The following TRAK1 variants were observed in gnomAD, a reference collection of about 807,000 sequenced individuals.
The protein encoded by TRAK1 is trafficking kinesin protein 1.
In TRAK1, 33 loss-of-function variants were observed where a neutral mutation model predicts 92.1. The observed-to-expected ratio is 0.36, with a 90% CI of 0.27 to 0.48. TRAK1 has a LOEUF of 0.48. Among genes scored for constraint, TRAK1 ranks in the 20% least tolerant of loss-of-function variants. The probability of loss-of-function intolerance (pLI) is 0.99; values close to 1 mark genes in which losing one functional copy is unlikely to be tolerated. For synonymous variants in TRAK1, 521 were observed against 517.3 expected, an observed-to-expected ratio of 1.01 and a Z score of -0.10; for missense variants, 1,123 against 1,257.9, an observed-to-expected ratio of 0.89 and a Z score of 1.62.
intron 1 of TRAK1, among the ~76,000 whole-genome samples, chr3:42,059,508 C>T (rs1468677103): frequency 6.6e-6 from 1 of 152,206 alleles, no homozygotes; most frequent in Non-Finnish European, 1.5e-5. Context: ...AGAACTGTGG[C>T]CTGTTTCTCC....
intron 1 of TRAK1, among the ~76,000 whole-genome samples, chr3:42,071,414 A>G (rs1703925749): frequency 6.6e-6 from 1 of 152,134 alleles, no homozygotes; most frequent in African/African-American, 2.4e-5. Flanking sequence ...CTTCCCATAG[A>G]TACCCACTCT....
intron 1 of TRAK1, among the ~76,000 whole-genome samples, chr3:42,016,048 C>CA (rs1301596386): frequency 1.3e-5 from 2 of 151,884 alleles, no homozygotes; most frequent in Non-Finnish European, 2.9e-5. Flanking sequence ...AAAACAAAAA[C>CA]AAAAACAAAA....
At chr3:42,092,681 T>TTGTTTTGTG (rs750189192) in intron 1 of TRAK1, among the ~76,000 whole-genome samples, 1 of 131,324 alleles carries the variant, frequency 7.6e-6, no homozygotes, top group Admixed American at 7.3e-5. Flanking sequence ...TCCTTTTATT[T>TTGTTTTGTG]TGTTGTGTTG....
At chr3:42,112,135 C>CTTTTTT (rs1223261204) in intron 1 of TRAK1, among the ~76,000 whole-genome samples, 39 of 71,058 alleles carry the variant, frequency 5.5e-4, no homozygotes, top group Non-Finnish European at 7.0e-4. Flanking sequence ...TCAGCTCTTA[C>CTTTTTT]TTTTTTTTTT....
chr3:42,127,203 A>G (rs904919422), intron 2 of TRAK1, among the ~76,000 whole-genome samples: 1 of 152,230 alleles, frequency 6.6e-6, no homozygotes, highest in South Asian at 2.1e-4. Flanking sequence ...AAAATTCACA[A>G]GAGAATAGTA....
intron 1 of TRAK1, among the ~76,000 whole-genome samples, chr3:42,099,091 C>T (rs938404451): frequency 8.6e-5 from 13 of 151,942 alleles, no homozygotes; most frequent in Admixed American, 8.5e-4. Context: ...AGAGGTGGCC[C>T]GGGTGTGGCT....
intron 2 of TRAK1, among the ~76,000 whole-genome samples, chr3:42,127,768 A>G (rs1194097029): frequency 6.6e-6 from 1 of 152,170 alleles, no homozygotes; most frequent in African/African-American, 2.4e-5. Flanking sequence ...GCCTCATTTC[A>G]TTCCTGTAAA....
Position 42,194,408 on chromosome 3 carries a change from T to C in TRAK1, c.976-396T>C, listed in dbSNP as rs555783092. ...CTACCACACCCACCTAATTTTTGCT[T>C]TTTTTTTTTTGAAAGATGAGGTTTT... On this transcript the variant is annotated intron_variant, in intron 9 of 15. Transcript: ENST00000327628. 5.5e-3 allele frequency among the ~76,000 whole-genome samples: 813 copies of C among 149,138 alleles called. 15 individuals carry two copies. Among genetic ancestry groups the C allele is most frequent in the African/African-American group, 0.019 (774 of 40,872 alleles).
At chr3:42,179,258 T>TTG (rs1275107693) in intron 3 of TRAK1, among the ~76,000 whole-genome samples, 6 of 152,236 alleles carry the variant, frequency 3.9e-5, no homozygotes, top group African/African-American at 1.2e-4. Context: ...GGTGTCCTGG[T>TTG]TAAAGTCTAA....
intron 2 of TRAK1, among the ~76,000 whole-genome samples, chr3:42,136,555 C>T (rs557033053): frequency 5.9e-4 from 90 of 151,788 alleles, no homozygotes; most frequent in African/African-American, 1.8e-3. Context: ...GCCAGGAGTT[C>T]GAGGCTGTAG....
intron 1 of TRAK1, among the ~76,000 whole-genome samples, chr3:42,096,645 C>T (rs73066342): frequency 0.017 from 2,520 of 152,340 alleles, 29 homozygotes; most frequent in Non-Finnish European, 0.027. Context: ...TTTCAAATGT[C>T]GCTGAGGGGA....
chr3:42,030,296 A>G (rs1238639723), intron 1 of TRAK1, among the ~76,000 whole-genome samples: 1 of 151,244 alleles, frequency 6.6e-6, no homozygotes, highest in African/African-American at 2.4e-5. Flanking sequence ...CAGGAGCGCA[A>G]GGCAGCAGTA....
chr3:42,037,888 C>G (rs1431372419), intron 1 of TRAK1, among the ~76,000 whole-genome samples: 1 of 152,106 alleles, frequency 6.6e-6, no homozygotes, highest in Non-Finnish European at 1.5e-5. Context: ...TTCCAGTGAC[C>G]CCGGAGTGGA....
intron 8 of TRAK1, among the ~76,000 whole-genome samples, chr3:42,193,534 ATCC>A (rs1266543803): frequency 1.4e-4 from 21 of 152,182 alleles, no homozygotes; most frequent in African/African-American, 5.1e-4. Flanking sequence ...GTAGAGCAGT[ATCC>A]TCTTCAGATT....
In TRAK1 at chr3:42,222,860, C is replaced by T. The variant is rs541089793; in HGVS notation, c.2067-82C>T. 4 of 1,491,734 alleles carry T rather than the reference C, an allele frequency of 2.7e-6. No homozygotes were observed. The East Asian group carries it at 9.1e-5, about 34-fold the overall frequency. The allele number at this position is 1,491,734 out of a possible 1,614,324, so 92.4% of individuals were successfully genotyped here. ...ATCGTGTCCTGGGTCGTCCCTACCC[C>T]CCCTGCAGGAAACTGGCCACTGACC... On this transcript the variant is annotated intron_variant, in intron 15 of 15. Coordinates refer to ENST00000327628, the MANE Select transcript of TRAK1 (RefSeq NM_001042646.3).
intron 2 of TRAK1, among the ~76,000 whole-genome samples, chr3:42,166,402 C>T (rs1375107385): frequency 1.3e-5 from 2 of 151,942 alleles, no homozygotes; most frequent in Non-Finnish European, 2.9e-5. Context: ...GATAAATGGC[C>T]ACTATAGATC....
intron 8 of TRAK1, among the ~76,000 whole-genome samples, 155 bp from the exon 9 acceptor site, chr3:42,193,669 T>C (rs1007292803): frequency 6.6e-6 from 1 of 152,180 alleles, no homozygotes; most frequent in Non-Finnish European, 1.5e-5. Flanking sequence ...GGAAAGACTT[T>C]ACCTTCAAAA....
chr3:42,113,833 C>T (rs940701058), intron 1 of TRAK1, among the ~76,000 whole-genome samples: 2 of 152,224 alleles, frequency 1.3e-5, no homozygotes, highest in East Asian at 1.9e-4. Context: ...GGATTACATA[C>T]GTGAGCCACT....
intron 1 of TRAK1, among the ~76,000 whole-genome samples, chr3:42,092,681 T>TTGTTTTGTTTTGTTGTGTTG (rs750189192): frequency 1.5e-5 from 2 of 131,322 alleles, no homozygotes; most frequent in Non-Finnish European, 3.2e-5. Context: ...TCCTTTTATT[T>TTGTTTTGTTTTGTTGTGTTG]TGTTGTGTTG....
Sources: gnomAD v4.1 joint callset for allele counts (sites outside exome capture counted in the v4.1 genomes callset) on GRCh38, gnomAD v4.1.1 for gene constraint, MANE v1.5 for transcripts, NCBI Gene and HGNC (gene_info 2026-07-23, HGNC 2026-07-21) for gene names.